The following SPATA32 variants were observed in gnomAD, a reference collection of about 807,000 sequenced individuals.
SPATA32 encodes spermatogenesis associated 32.
Under a neutral mutation model 35.4 loss-of-function variants are expected in SPATA32, and 28 were observed. The observed-to-expected ratio is 0.79, with a 90% confidence interval of 0.59 to 1.09. SPATA32 has a LOEUF of 1.09. SPATA32 is among the 50% of genes least tolerant of loss of function. The pLI, the probability that SPATA32 is intolerant of heterozygous loss-of-function variation, is 0.00. For synonymous variants in SPATA32, 168 were observed against 196.3 expected, an observed-to-expected ratio of 0.86 and a Z score of 1.20; for missense variants, 409 against 475.9, an observed-to-expected ratio of 0.86 and a Z score of 1.31.
chr17:45,257,833 A>G (rs1483849937), intron 1 of SPATA32, among the ~76,000 whole-genome samples: 1 of 152,080 alleles, frequency 6.6e-6, no homozygotes, highest in African/African-American at 2.4e-5. Flanking sequence ...CACCTATCCG[A>G]CGATTTATGA....
In SPATA32 at chr17:45,256,241, T is replaced by G. The variant is rs1598226446; in HGVS notation, c.108+135A>C. 3.8e-6 allele frequency: 4 copies of G among 1,060,036 alleles called. No individual in the cohort carries two copies. The highest frequency in any genetic ancestry group is 2.7e-5 in the South Asian group (2 of 74,780). 65.7% of individuals were successfully genotyped at this position (1,060,036 alleles called of 1,614,324 possible). On this transcript the variant is annotated intron_variant, in intron 3 of 4. Coordinates refer to ENST00000331780, the MANE Select transcript of SPATA32 (RefSeq NM_152343.3). The surrounding 1 kb of genome is among the most constrained non-coding windows in gnomAD (Gnocchi z 4.7). ...CTCAGAGACCTGCCCGGTGAGGGGG[T>G]GTGTGTGTGGGTGTACCCACACCGG...
chr17:45,255,367 G>T lies in SPATA32; in HGVS notation c.815C>A (p.Ala272Asp). Residue 272 changes from alanine to aspartate, a missense_variant, in exon 4 of 5, where the codon GCT (alanine) becomes GAT (aspartate). Physicochemically the swap from Ala to Asp is moderately radical, Grantham distance 126. Coordinates refer to ENST00000331780, the MANE Select transcript of SPATA32 (RefSeq NM_152343.3). The surrounding 1 kb of genome is among the most constrained non-coding windows in gnomAD (Gnocchi z 5.4). ...GAGGGGCTCTGTGGAAGGCTCCAGA[G>T]CCTCCTGGGGTGGAGCTTTCATCAT... is the stretch of plus-strand genomic sequence containing the variant. The part of the protein sequence containing the change: ...EHMMKAPPQE[A>D]LEPSTEPLLT... The T allele has an allele frequency of 6.2e-7, 1 of 1,614,236 alleles. No individual in the cohort carries two copies. The highest frequency in any genetic ancestry group is 8.5e-7 in the Non-Finnish European group (1 of 1,180,048).
intron 2 of SPATA32, 112 bp downstream of exon 2, chr17:45,257,041 G>T: frequency 7.7e-7 from 1 of 1,298,358 alleles, no homozygotes; most frequent in Non-Finnish European, 1.1e-6. Flanking sequence ...GGAGGTTTTG[G>T]AAATGGCAGA....
rs982763512 is a variant in SPATA32 at position 45,257,294 on chromosome 17, CCTT to C, written c.14-90_14-88del. 43 of 1,394,172 alleles carry C rather than the reference CCTT, an allele frequency of 3.1e-5. No individual in the cohort carries two copies. The African/African-American group carries it at 5.1e-4, about 17-fold the overall frequency. The allele number at this position is 1,394,172 out of a possible 1,614,324, so 86.4% of individuals were successfully genotyped here. ...TCCGGAGCCAGCCCCCTTTTCCTGC[CCTT>C]CTTTTCTCTCTTCCCGGCTGCTATT... On this transcript the variant is annotated intron_variant, in intron 1 of 4. Transcript: ENST00000331780.
At chr17:45,258,004 A>G (rs1598228076) in intron 1 of SPATA32, among the ~76,000 whole-genome samples, 1 of 152,152 alleles carries the variant, frequency 6.6e-6, no homozygotes, top group African/African-American at 2.4e-5. Context: ...AGGGCCATGC[A>G]TAGGGGTTGA....
chr17:45,254,627 G>C (rs2143715722), intron 4 of SPATA32, 114 bp from the exon 5 acceptor site: 7 of 831,944 alleles, frequency 8.4e-6, no homozygotes, highest in Non-Finnish European at 1.2e-5. Flanking sequence ...TTCTGCTGCT[G>C]CCCGCGTCTG....
Position 45,255,483 on chromosome 17 carries a change from C to G in SPATA32, c.699G>C (p.Pro233=). 6.2e-7 allele frequency: 1 copy of G among 1,614,002 alleles called. No homozygotes were observed. The highest frequency in any genetic ancestry group is 8.5e-7 in the Non-Finnish European group (1 of 1,179,974). Residue 233 remains proline, a synonymous_variant, in exon 4 of 5, where the codon CCG becomes CCC. Coordinates refer to ENST00000331780, the MANE Select transcript of SPATA32 (RefSeq NM_152343.3). This position sits in a 1 kb window ranked among gnomAD's most constrained non-coding sequence, Gnocchi z 5.4. The stretch of plus-strand genomic sequence containing the variant: ...TTAGCTCTGTCAGGTCAATGGGTGG[C>G]GGGAGATCTGAGGACAGGAGGGGGC... ...APSPLLSSDL[P]PPIDLTELIT...
At position 45,255,182 on chromosome 17, in the gene SPATA32, T is replaced by C; in HGVS notation, c.1000A>G (p.Ile334Val). The C allele has an allele frequency of 6.2e-7, 1 of 1,614,226 alleles. No individual in the cohort carries two copies. Among genetic ancestry groups the C allele is most frequent in the Non-Finnish European group, 8.5e-7 (1 of 1,180,026 alleles). ...FSKPGIKRAT[I>V]KGQIQLLQPP... Reference sequence around the variant, plus strand: ...TGGAGAAGCTGGATTTGCCCTTTGATGGTGGCCCTCTTGATCCCCGGCTTG... The same window carrying C: ...TGGAGAAGCTGGATTTGCCCTTTGACGGTGGCCCTCTTGATCCCCGGCTTG... Residue 334 changes from isoleucine to valine, a missense_variant, in exon 4 of 5, where the codon ATC (isoleucine) becomes GTC (valine). Transcript: ENST00000331780. This position sits in a 1 kb window ranked among gnomAD's most constrained non-coding sequence, Gnocchi z 5.4.
In SPATA32 at chr17:45,255,116, C is replaced by T; in HGVS notation, c.1066G>A (p.Asp356Asn). Residue 356 changes from aspartate to asparagine, a missense_variant and splice_region_variant, in exon 4 of 5, where the codon GAC becomes AAC. Physicochemically the swap from Asp to Asn is conservative, Grantham distance 23 (BLOSUM62 1). Coordinates refer to ENST00000331780, the MANE Select transcript of SPATA32 (RefSeq NM_152343.3). This position sits in a 1 kb window ranked among gnomAD's most constrained non-coding sequence, Gnocchi z 5.4. ...TSPLLQGSKE[D>N]SVPPGKEKEN... ...AGCTGCGGGGCTGGCCTCACTCACT[C>T]TTCCTTGCTTCCCTGCAGCAGAGGG... is the stretch of plus-strand genomic sequence containing the variant. 6.2e-7 allele frequency: 1 copy of T among 1,614,056 alleles called. No homozygotes were observed.
rs35074259 is a variant in SPATA32 at position 45,256,422 on chromosome 17, CAGA to C, written c.69-10_69-8del. 11 of 428,406 alleles carry C rather than the reference CAGA, an allele frequency of 2.6e-5. No homozygotes were observed. Among genetic ancestry groups the C allele is most frequent in the South Asian group, 1.5e-4 (4 of 27,078 alleles). 26.5% of individuals were successfully genotyped at this position (428,406 alleles called of 1,614,324 possible). ...GTGTTGACTTAAGTCATCTCTAAGACAGAAGAAGACAGAGTGGGTGATGGGGAT... is the reference window on the plus strand; with the variant it reads ...GTGTTGACTTAAGTCATCTCTAAGACAGAAGACAGAGTGGGTGATGGGGAT... On this transcript the variant is annotated splice_region_variant and splice_polypyrimidine_tract_variant and intron_variant, in intron 2 of 4. Coordinates refer to ENST00000331780, the MANE Select transcript of SPATA32 (RefSeq NM_152343.3). This position sits in a 1 kb window ranked among gnomAD's most constrained non-coding sequence, Gnocchi z 4.7.
intron 4 of SPATA32, 63 bp from the exon 5 acceptor site, chr17:45,254,576 C>A: frequency 6.7e-7 from 1 of 1,491,580 alleles, no homozygotes; most frequent in Non-Finnish European, 9.3e-7. Flanking sequence ...GAGGGGTGAG[C>A]CCAGAGGCCC....
chr17:45,255,050 G>A lies in SPATA32; in HGVS notation c.1067+65C>T. The A allele has an allele frequency of 6.6e-7, 1 of 1,509,752 alleles. No homozygotes were observed. The allele number at this position is 1,509,752 out of a possible 1,614,324, so 93.5% of individuals were successfully genotyped here. ...CTGTTCCCCACCCCTACCCAGCTGT[G>A]TGAGGACCCCTGCCACGTTCTAGCA... On this transcript the variant is annotated intron_variant, in intron 4 of 4. Coordinates refer to ENST00000331780, the MANE Select transcript of SPATA32 (RefSeq NM_152343.3). The surrounding 1 kb of genome is among the most constrained non-coding windows in gnomAD (Gnocchi z 5.4).
chr17:45,255,972 C>A lies in SPATA32; in HGVS notation c.210G>T (p.Pro70=). Residue 70 remains proline (P), a synonymous_variant, in exon 4 of 5, where the codon CCG becomes CCT. Transcript: ENST00000331780. The surrounding 1 kb of genome is among the most constrained non-coding windows in gnomAD (Gnocchi z 5.4). ...PDPELEIGQV[P]ALLESELYPA... is the part of the protein sequence containing the mutation. Reference sequence around the variant, plus strand: ...GGTATAGCTCTGACTCCAGTAAAGCCGGCACCTGTCCGATCTCCAGTTCTG... The same window carrying A: ...GGTATAGCTCTGACTCCAGTAAAGCAGGCACCTGTCCGATCTCCAGTTCTG... 1 of 1,614,086 alleles carries A rather than the reference C, an allele frequency of 6.2e-7. No homozygotes were observed. The highest frequency in any genetic ancestry group is 8.5e-7 in the Non-Finnish European group (1 of 1,180,022).
In SPATA32 at chr17:45,256,016, G is replaced by C. The variant is rs2043953940; in HGVS notation, c.166C>G (p.Pro56Ala). ...PQLQVDLDLD[P>A]DPDPDPELEI... ...AGTTCTGGGTCTGGGTCTGGGTCTGGGTCCAGGTCCAGGTCCACTTGGAGT... is the reference window on the plus strand; with the variant it reads ...AGTTCTGGGTCTGGGTCTGGGTCTGCGTCCAGGTCCAGGTCCACTTGGAGT... The change falls in exon 4 of 5, where the codon CCA (proline) becomes GCA (alanine). Residue 56 changes from proline to alanine, a missense_variant. By Grantham distance (27) the Pro-to-Ala change is conservative. Transcript: ENST00000331780. The surrounding 1 kb of genome is among the most constrained non-coding windows in gnomAD (Gnocchi z 4.7). 5 of 1,613,126 alleles carry C rather than the reference G, an allele frequency of 3.1e-6. No homozygotes were observed. Among genetic ancestry groups the C allele is most frequent in the Non-Finnish European group, 4.2e-6 (5 of 1,179,682 alleles).
chr17:45,257,253 A>G (rs1226325436), intron 1 of SPATA32, 46 bp from the exon 2 acceptor site: 1 of 1,575,382 alleles, frequency 6.3e-7, no homozygotes, highest in African/African-American at 1.4e-5. Flanking sequence ...AGGGTAGAGG[A>G]CAGTCCCAGA....
chr17:45,255,989 C>T lies in SPATA32; in HGVS notation c.193G>A (p.Glu65Lys). ...AGTAAAGCCGGCACCTGTCCGATCT[C>T]CAGTTCTGGGTCTGGGTCTGGGTCT... ...DPDPDPDPEL[E>K]IGQVPALLES... is the part of the protein sequence containing the mutation. The change falls in exon 4 of 5, where the codon GAG becomes AAG. Residue 65 changes from glutamate (E) to lysine (K), a missense_variant. Physicochemically the swap from Glu to Lys is moderately conservative, Grantham distance 56. Coordinates refer to ENST00000331780, the MANE Select transcript of SPATA32 (RefSeq NM_152343.3). This position sits in a 1 kb window ranked among gnomAD's most constrained non-coding sequence, Gnocchi z 5.4. The T allele has an allele frequency of 6.2e-7, 1 of 1,614,074 alleles. No individual in the cohort carries two copies. The highest frequency in any genetic ancestry group is 2.2e-5 in the East Asian group (1 of 44,874).
Position 45,256,073 on chromosome 17 carries a change from G to A in SPATA32, c.109C>T (p.Leu37=). The part of the protein sequence containing the change: ...SQHQIQEEQE[L]EADMLEQKPQ... ...TTCTGCTCTAGCATGTCTGCCTCCAGCTGAAATGTTTCAACTCAAAGCTGA... is the reference window on the plus strand; with the variant it reads ...TTCTGCTCTAGCATGTCTGCCTCCAACTGAAATGTTTCAACTCAAAGCTGA... The change falls in exon 4 of 5, where the codon CTG becomes TTG. Residue 37 remains leucine (L), a splice_region_variant and synonymous_variant. Coordinates refer to ENST00000331780, the MANE Select transcript of SPATA32 (RefSeq NM_152343.3). The surrounding 1 kb of genome is among the most constrained non-coding windows in gnomAD (Gnocchi z 4.7). The A allele has an allele frequency of 6.3e-7, 1 of 1,591,916 alleles. No individual in the cohort carries two copies. Among genetic ancestry groups the A allele is most frequent in the African/African-American group, 1.3e-5 (1 of 74,458 alleles).
chr17:45,255,856 A>G lies in SPATA32; in HGVS notation c.326T>C (p.Ile109Thr), dbSNP rs1302116878. 1 of 1,614,114 alleles carries G rather than the reference A, an allele frequency of 6.2e-7. No individual in the cohort carries two copies. The highest frequency in any genetic ancestry group is 1.1e-5 in the South Asian group (1 of 91,084). The change falls in exon 4 of 5, where the codon ATA becomes ACA. Residue 109 changes from isoleucine (I) to threonine (T), a missense_variant. Coordinates refer to ENST00000331780, the MANE Select transcript of SPATA32 (RefSeq NM_152343.3). The surrounding 1 kb of genome is among the most constrained non-coding windows in gnomAD (Gnocchi z 5.4). ...CCCCATGTTGGAGTGGACGGACTCTATCTTGCATACCAGCTGCATGGGTTC... is the reference window on the plus strand; with the variant it reads ...CCCCATGTTGGAGTGGACGGACTCTGTCTTGCATACCAGCTGCATGGGTTC... ...FEEPMQLVCK[I>T]ESVHSNMGLP... is the part of the protein sequence containing the mutation.
At chr17:45,261,887 A>T in intron 1 of SPATA32, 117 bp downstream of exon 1, 1 of 1,150,234 alleles carries the variant, frequency 8.7e-7, no homozygotes, top group Non-Finnish European at 1.1e-6. Flanking sequence ...GGGGTTTGGG[A>T]GCAGGGGAAC....
Sources: allele counts gnomAD v4.1 joint callset (sites outside exome capture counted in the v4.1 genomes callset), GRCh38; gene constraint gnomAD v4.1.1; non-coding constraint Gnocchi (gnomAD v3.1); transcripts MANE v1.5; gene names NCBI Gene and HGNC (gene_info 2026-07-23, HGNC 2026-07-21).